The following MGAT4C variants were observed in gnomAD, a reference collection of about 807,000 sequenced individuals.
The protein encoded by MGAT4C is MGAT4 family member C.
MGAT4C carries 19 observed loss-of-function variants against 40.1 expected under a neutral mutation model. The observed-to-expected ratio is 0.47, with a 90% confidence interval of 0.33 to 0.70. The LOEUF (loss-of-function observed/expected upper bound fraction) is 0.70, where lower values mean the gene tolerates loss of function less well. Ranked by LOEUF, MGAT4C falls within the 30% of genes least tolerant of loss-of-function variation. The probability of loss-of-function intolerance (pLI) is 0.02; values close to 1 mark genes in which losing one functional copy is unlikely to be tolerated. For synonymous variants in MGAT4C, 181 were observed against 187.1 expected (o/e 0.97, Z 0.27); for missense variants, 491 against 563.2 (o/e 0.87, Z 1.30).
At chr12:86,257,040 C>T (rs1247882895), upstream of MGAT4C, among the ~76,000 whole-genome samples, 1 of 152,094 alleles carries the variant, frequency 6.6e-6, no homozygotes, top group Non-Finnish European at 1.5e-5. Context: ...ATTAAAAGCA[C>T]ATCACTAATA....
At position 86,740,230 on chromosome 12, in the gene MGAT4C, G is replaced by C. The variant is rs150281005; in HGVS notation, c.-261-12989C>G. Among the ~76,000 whole-genome samples, 37 of 151,228 alleles carry C rather than the reference G, an allele frequency of 2.4e-4. No homozygotes were observed. The East Asian group carries it at 7.0e-3, about 29-fold the overall frequency. ...TTCAGATTATTATGAGAAATGTGGA[G>C]TTTTAGAATCTTTTTTTCTTTGAAA... On this transcript the variant is annotated intron_variant, in intron 1 of 7. Coordinates refer to the MGAT4C transcript ENST00000548651.
intron 1 of MGAT4C, among the ~76,000 whole-genome samples, chr12:86,127,400 G>C (rs1052144439): frequency 6.6e-6 from 1 of 152,162 alleles, no homozygotes. Context: ...AGTAGGACTG[G>C]AAGTTGCTCT....
rs1957620543 is a variant in MGAT4C, at chr12:86,462,756, G to T, written c.-228-27491C>A. On this transcript the variant is annotated intron_variant, in intron 2 of 7. Coordinates refer to the MGAT4C transcript ENST00000548651. ...AGAACTTAGAGTCTGATGTTTGAGT[G>T]CAAGAAGCAGCCATTATAGGAGAAA... is the stretch of plus-strand genomic sequence containing the variant. Among the ~76,000 whole-genome samples the T allele has an allele frequency of 2.6e-5, 4 of 152,150 alleles. No individual in the cohort carries two copies. In the South Asian group the frequency reaches 8.3e-4, roughly 32 times the overall value.
At chr12:86,584,063 T>C (rs1960906354) in intron 2 of MGAT4C, among the ~76,000 whole-genome samples, 1 of 150,928 alleles carries the variant, frequency 6.6e-6, no homozygotes, top group African/African-American at 2.4e-5. Context: ...GGACGATATA[T>C]AAAAGTCAAA....
chr12:86,240,594 A>G (rs979896538), intron 1 of MGAT4C, among the ~76,000 whole-genome samples: 5 of 152,046 alleles, frequency 3.3e-5, no homozygotes, highest in African/African-American at 7.2e-5. Context: ...GCTCTTATGA[A>G]TATTTTATGT....
chr12:85,994,092 G>A (rs1886312880), intron 2 of MGAT4C, among the ~76,000 whole-genome samples: 1 of 152,200 alleles, frequency 6.6e-6, no homozygotes, highest in Admixed American at 6.5e-5. Context: ...GCTGCAGCTG[G>A]CATCTTGGCA....
At chr12:86,353,733 T>C (rs1428043388) in intron 3 of MGAT4C, among the ~76,000 whole-genome samples, 1 of 152,154 alleles carries the variant, frequency 6.6e-6, no homozygotes, top group Non-Finnish European at 1.5e-5. Context: ...TCTCTCTCAT[T>C]ATAGAAAGTG....
chr12:86,634,791 T>C (rs1593066132), intron 2 of MGAT4C, among the ~76,000 whole-genome samples: 1 of 152,148 alleles, frequency 6.6e-6, no homozygotes, highest in Non-Finnish European at 1.5e-5. Context: ...TGGAATCTTA[T>C]ATAAGCTAAA....
chr12:86,613,077 G>T (rs887711717), intron 2 of MGAT4C, among the ~76,000 whole-genome samples: 3 of 151,994 alleles, frequency 2.0e-5, no homozygotes, highest in Non-Finnish European at 2.9e-5. Context: ...TCCTGTAAAT[G>T]ATATGTAAGT....
intron 2 of MGAT4C, among the ~76,000 whole-genome samples, chr12:86,711,088 A>G (rs1950548092): frequency 6.6e-6 from 1 of 152,200 alleles, no homozygotes; most frequent in Non-Finnish European, 1.5e-5. Context: ...AGTACAGTGT[A>G]CACTGGTCGG....
intron 1 of MGAT4C, among the ~76,000 whole-genome samples, chr12:86,253,681 C>T (rs929220514): frequency 6.6e-6 from 1 of 151,910 alleles, no homozygotes; most frequent in African/African-American, 2.4e-5. Flanking sequence ...AAAATGACAT[C>T]ATAGTTACTA....
At chr12:86,712,083 G>T (rs903955310) in intron 2 of MGAT4C, among the ~76,000 whole-genome samples, 17 of 152,060 alleles carry the variant, frequency 1.1e-4, no homozygotes, top group Non-Finnish European at 1.3e-4. Context: ...TTCTAAATTT[G>T]TGGCAGTTTC....
chr12:86,695,337 A>G (rs1950237186), intron 2 of MGAT4C, among the ~76,000 whole-genome samples: 1 of 152,242 alleles, frequency 6.6e-6, no homozygotes, highest in Admixed American at 6.5e-5. Context: ...AAATTATTAC[A>G]ACAACTATAG....
At chr12:86,459,470 G>A (rs994546442) in intron 2 of MGAT4C, among the ~76,000 whole-genome samples, 2 of 151,956 alleles carry the variant, frequency 1.3e-5, no homozygotes, top group Admixed American at 1.3e-4. Flanking sequence ...AGGGTCTGCA[G>A]GTGGCCACTA....
chr12:85,999,143 C>A (rs1886989628), intron 2 of MGAT4C, among the ~76,000 whole-genome samples: 3 of 152,112 alleles, frequency 2.0e-5, no homozygotes, highest in African/African-American at 7.2e-5. Flanking sequence ...ACCATCAGAT[C>A]TCATGAGACT....
intron 3 of MGAT4C, among the ~76,000 whole-genome samples, chr12:86,408,496 TA>T (rs1382377096): frequency 2.1e-5 from 3 of 142,138 alleles, no homozygotes; most frequent in Non-Finnish European, 4.6e-5. Context: ...TATATATATA[TA>T]TATATATATA....
At position 85,977,934 on chromosome 12, in the gene MGAT4C, A is replaced by C. The variant is rs1349095849; in HGVS notation, c.*1355T>G. The stretch of plus-strand genomic sequence containing the variant: ...TCCCTTAGTTTTTGCTGTTCATTAA[A>C]AAACAAAAAGGAAGAGACAAGCTCA... On this transcript the variant is annotated 3_prime_UTR_variant, in exon 5 of 5. Transcript: ENST00000611864. The C allele has an allele frequency of 6.6e-6, 1 of 151,512 alleles. No homozygotes were observed. Among genetic ancestry groups the C allele is most frequent in the African/African-American group, 2.4e-5 (1 of 41,354 alleles). 9.4% of individuals were successfully genotyped at this position (151,512 alleles called of 1,614,324 possible).
chr12:86,800,417 C>A (rs1952204620), intron 1 of MGAT4C, among the ~76,000 whole-genome samples: 1 of 151,870 alleles, frequency 6.6e-6, no homozygotes, highest in African/African-American at 2.4e-5. Context: ...CCTTCTCCAT[C>A]ACTTTATAAT....
At chr12:86,281,240 A>G (rs1041656601) in intron 4 of MGAT4C, among the ~76,000 whole-genome samples, 2 of 152,110 alleles carry the variant, frequency 1.3e-5, no homozygotes, top group African/African-American at 4.8e-5. Context: ...TAAAAATTTA[A>G]GAAACTTACA....
Sources: gnomAD v4.1 joint callset for allele counts (sites outside exome capture counted in the v4.1 genomes callset) on GRCh38, gnomAD v4.1.1 for gene constraint, MANE v1.5 for transcripts, NCBI Gene and HGNC (gene_info 2026-07-23, HGNC 2026-07-21) for gene names.